LIN54: variants seen among roughly 807,000 people sequenced by gnomAD.
The protein encoded by LIN54 is protein lin-54 homolog.
Under a neutral mutation model 78.7 loss-of-function variants are expected in LIN54, and 9 were observed. The ratio of observed to expected loss-of-function variants is 0.11; its 90% CI spans 0.07 to 0.20. The LOEUF (loss-of-function observed/expected upper bound fraction) is 0.20, where lower values mean the gene tolerates loss of function less well. Ranked by LOEUF, LIN54 falls within the 10% of genes least tolerant of loss-of-function variation. The pLI, the probability that LIN54 is intolerant of heterozygous loss-of-function variation, is 1.00. For missense variants in LIN54, 573 were observed against 889.9 expected (o/e 0.64, Z 4.53); for synonymous variants, 269 against 318.4 (o/e 0.84, Z 1.65).
intron 4 of LIN54, among the ~76,000 whole-genome samples, chr4:82,957,206 A>G (rs1241537331): frequency 6.6e-6 from 1 of 152,192 alleles, no homozygotes; most frequent in African/African-American, 2.4e-5. Context: ...CTCATTTTCA[A>G]CTTGGCAATA....
rs192894983 is a variant in LIN54, at chr4:82,966,962, C to T, written c.951+3365G>A. On this transcript the variant is annotated intron_variant, in intron 4 of 12. Transcript: ENST00000340417. ...ACTTATTAAGATAAATAAGCTTAGC[C>T]GTTACGTCTGTAATCCCAGCACTTT... Among the ~76,000 whole-genome samples, 231 of 151,916 alleles carry T rather than the reference C, an allele frequency of 1.5e-3. 2 individuals carry two copies. The highest frequency in any genetic ancestry group is 0.012 in the Admixed American group (183 of 15,234).
intron 3 of LIN54, among the ~76,000 whole-genome samples, chr4:82,976,144 G>A (rs1045788075): frequency 8.5e-5 from 13 of 152,122 alleles, no homozygotes; most frequent in Non-Finnish European, 1.6e-4. Context: ...TTTTGAAGGT[G>A]AAAATCAAAA....
intron 4 of LIN54, among the ~76,000 whole-genome samples, chr4:82,967,869 A>G (rs1725330514): frequency 6.6e-6 from 1 of 152,144 alleles, no homozygotes; most frequent in Non-Finnish European, 1.5e-5. Flanking sequence ...AGAAAGGGAG[A>G]GGAGGTTGAA....
At chr4:82,945,692 C>A (rs1210311446) in intron 5 of LIN54, among the ~76,000 whole-genome samples, 2 of 152,046 alleles carry the variant, frequency 1.3e-5, no homozygotes, top group Admixed American at 1.3e-4. Context: ...CAGGGTTTCA[C>A]CATATTGTTA....
chr4:83,005,926 T>C (rs557647574), intron 1 of LIN54, among the ~76,000 whole-genome samples: 5 of 152,252 alleles, frequency 3.3e-5, no homozygotes, highest in Admixed American at 2.6e-4. Flanking sequence ...GTGGTACATA[T>C]ACACTATGAA....
chr4:82,937,739 C>T (rs774715789), intron 8 of LIN54, among the ~76,000 whole-genome samples: 9 of 152,050 alleles, frequency 5.9e-5, no homozygotes, highest in African/African-American at 9.7e-5. Flanking sequence ...GGACTGATTC[C>T]GGGTAATTAA....
intron 2 of LIN54, among the ~76,000 whole-genome samples, chr4:82,981,931 G>A (rs1409045465): frequency 2.0e-5 from 3 of 152,166 alleles, no homozygotes; most frequent in African/African-American, 7.2e-5. Context: ...CTACTTGGGA[G>A]GCTGACGTGG....
At chr4:83,007,030 C>T (rs1274970874) in intron 1 of LIN54, among the ~76,000 whole-genome samples, 1 of 152,048 alleles carries the variant, frequency 6.6e-6, no homozygotes, top group Non-Finnish European at 1.5e-5. Context: ...GTCCCAGCTA[C>T]TCGAGAGGCC....
rs931911177 is a variant in LIN54 at position 82,926,499 on chromosome 4, A to G, written c.*1603T>C. 5 of 152,570 alleles carry G rather than the reference A, an allele frequency of 3.3e-5. No homozygotes were observed. The highest frequency in any genetic ancestry group is 7.4e-5 in the Non-Finnish European group (5 of 68,018). The allele number at this position is 152,570 out of a possible 1,614,324, so 9.5% of individuals were successfully genotyped here. A position where few individuals can be genotyped will look rare whatever the true frequency, so the allele number is the denominator to read the frequency against. On this transcript the variant is annotated 3_prime_UTR_variant, in exon 13 of 13. Transcript: ENST00000340417. ...TCATATGAACATATATACACACTTA[A>G]TACATACAACTATAGAGTCCTTGTA...
intron 4 of LIN54, among the ~76,000 whole-genome samples, chr4:82,969,110 C>A (rs1725447927): frequency 6.6e-6 from 1 of 152,330 alleles, no homozygotes; most frequent in Non-Finnish European, 1.5e-5. Flanking sequence ...TCGGCTCTCA[C>A]ACTGCAAAAA....
chr4:82,987,206 G>A (rs1322678482), intron 1 of LIN54, among the ~76,000 whole-genome samples: 5 of 152,066 alleles, frequency 3.3e-5, no homozygotes, highest in East Asian at 1.9e-4. Flanking sequence ...CACAATAATC[G>A]CTTGAAGCCG....
rs530958341 is a variant in LIN54 at position 82,951,757 on chromosome 4, C to G, written c.952-5283G>C. On this transcript the variant is annotated intron_variant, in intron 4 of 12. Coordinates refer to ENST00000340417, the MANE Select transcript of LIN54 (RefSeq NM_194282.4). ...AGATTTAACCTAAAAAGTAAAACCA[C>G]AGCTGGTATTAAAATATATAGACTA... 3.9e-5 allele frequency among the ~76,000 whole-genome samples: 6 copies of G among 152,026 alleles called. No homozygotes were observed. In the South Asian group the frequency reaches 1.2e-3, roughly 32 times the overall value.
At chr4:82,948,894 A>G (rs768726222) in intron 4 of LIN54, among the ~76,000 whole-genome samples, 8 of 152,194 alleles carry the variant, frequency 5.3e-5, no homozygotes, top group African/African-American at 9.7e-5. Flanking sequence ...TTTTATATAT[A>G]TACTACAGTT....
chr4:82,946,293 T>G lies in LIN54; in HGVS notation c.1133A>C (p.Gln378Pro). 2 of 1,614,228 alleles carry G rather than the reference T, an allele frequency of 1.2e-6. No individual in the cohort carries two copies. Among genetic ancestry groups the G allele is most frequent in the Non-Finnish European group, 1.7e-6 (2 of 1,180,016 alleles). The change falls in exon 5 of 13, where the codon CAG becomes CCG. Residue 378 changes from glutamine (Q) to proline (P), a missense_variant. By Grantham distance (76) the Gln-to-Pro change is moderately conservative. Coordinates refer to ENST00000340417, the MANE Select transcript of LIN54 (RefSeq NM_194282.4). ...AGGCTGAGTGTTTGTACTGGGATTCTGACTAACTGGCTGGGTTGAGCTACT... is the reference window on the plus strand; with the variant it reads ...AGGCTGAGTGTTTGTACTGGGATTCGGACTAACTGGCTGGGTTGAGCTACT... ...SASSSTQPVS[Q>P]NPSTNTQPLQ...
At chr4:82,999,861 T>C (rs1174752895) in intron 1 of LIN54, among the ~76,000 whole-genome samples, 1 of 151,310 alleles carries the variant, frequency 6.6e-6, no homozygotes, top group Non-Finnish European at 1.5e-5. Flanking sequence ...AGAAAATCAT[T>C]GAGGAGAATG....
intron 11 of LIN54, 93 bp from the exon 12 acceptor site, chr4:82,931,238 A>C: frequency 1.2e-6 from 1 of 854,126 alleles, no homozygotes; most frequent in Non-Finnish European, 1.9e-6. Flanking sequence ...TAATAGCATT[A>C]CCTGGTCAAC....
intron 4 of LIN54, among the ~76,000 whole-genome samples, chr4:82,959,727 T>G (rs1724636568): frequency 6.6e-6 from 1 of 152,208 alleles, no homozygotes; most frequent in African/African-American, 2.4e-5. Flanking sequence ...AGATATTACA[T>G]GTAGCTAGAG....
intron 3 of LIN54, among the ~76,000 whole-genome samples, chr4:82,978,231 C>G (rs1244281159): frequency 6.6e-6 from 1 of 152,146 alleles, no homozygotes; most frequent in African/African-American, 2.4e-5. Context: ...TAAAAGAGAA[C>G]TGGGCCACAC....
Position 82,981,210 on chromosome 4 carries a change from CTG to C in LIN54, c.685-2206_685-2205del, listed in dbSNP as rs1336902597. On this transcript the variant is annotated intron_variant, in intron 2 of 12. Transcript: ENST00000340417. The stretch of plus-strand genomic sequence containing the variant: ...TAATATATACAAGTAATTTTTGGCA[CTG>C]TGTTGGATAGATTCAGGAGCTAGTA... Among the ~76,000 whole-genome samples, 9 of 152,224 alleles carry C rather than the reference CTG, an allele frequency of 5.9e-5. No individual in the cohort carries two copies. In the South Asian group the frequency reaches 1.0e-3, roughly 18 times the overall value.
Sources: gnomAD v4.1 joint callset for allele counts (sites outside exome capture counted in the v4.1 genomes callset) on GRCh38, gnomAD v4.1.1 for gene constraint, MANE v1.5 for transcripts, NCBI Gene and HGNC (gene_info 2026-07-23, HGNC 2026-07-21) for gene names.